DHX30: variants seen among roughly 807,000 people sequenced by gnomAD.
DHX30 encodes ATP-dependent RNA helicase DHX30.
In DHX30, 4 loss-of-function variants were observed where a neutral mutation model predicts 116.9. That is an observed-to-expected ratio of 0.03 (90% CI 0.02 to 0.08). DHX30 has a LOEUF of 0.08. DHX30 is among the 10% of genes least tolerant of loss of function. The pLI is 1.00. For missense variants in DHX30, 871 were observed against 1,595.1 expected (o/e 0.55, Z 7.73); for synonymous variants, 697 against 651.7 (o/e 1.07, Z -1.06).
chr3:47,848,995 G>T lies in DHX30; in HGVS notation c.2845G>T (p.Val949Leu), dbSNP rs2037799667. Residue 949 changes from valine (V) to leucine (L), a missense_variant, in exon 18 of 22, where the codon GTG (valine) becomes TTG (leucine). By Grantham distance (32) the Val-to-Leu change is conservative (BLOSUM62 1). Transcript: ENST00000445061. The surrounding 1 kb of genome is among the most constrained non-coding windows in gnomAD (Gnocchi z 9.4). The part of the protein sequence containing the change: ...FVRAVAGWEE[V>L]LRWQDRSSRE... ...GCGGGCTGTCGCCGGCTGGGAGGAG[G>T]TGCTGCGTTGGCAGGACCGCAGCTC... 6.2e-7 allele frequency: 1 copy of T among 1,613,642 alleles called. No individual in the cohort carries two copies. Among genetic ancestry groups the T allele is most frequent in the Admixed American group, 1.7e-5 (1 of 59,966 alleles).
chr3:47,840,970 T>C lies in DHX30; in HGVS notation c.460T>C (p.Trp154Arg). ...DRFGSPADSW[W>R]RPEPTMPPTS... is the part of the protein sequence containing the mutation. ...CTTTGGCTCCCCTGCCGACAGCTGGTGGCGTCCGGAACCCACCATGCCCCC... is the reference window on the plus strand; with the variant it reads ...CTTTGGCTCCCCTGCCGACAGCTGGCGGCGTCCGGAACCCACCATGCCCCC... The change falls in exon 7 of 22, where the codon TGG becomes CGG. Residue 154 changes from tryptophan to arginine, a missense_variant. By Grantham distance (101) the Trp-to-Arg change is moderately radical. Around this residue, in one of 13 missense-constraint regions of DHX30, gnomAD observed 109 missense variants for 118.8 expected, o/e 0.92. Coordinates refer to ENST00000445061, the MANE Select transcript of DHX30 (RefSeq NM_138615.3). The C allele has an allele frequency of 6.2e-7, 1 of 1,614,176 alleles. No individual in the cohort carries two copies. The highest frequency in any genetic ancestry group is 8.5e-7 in the Non-Finnish European group (1 of 1,180,040).
chr3:47,816,191 A>T (rs2036043108), intron 3 of DHX30: 1 of 978,888 alleles, frequency 1.0e-6, no homozygotes, highest in Non-Finnish European at 1.2e-6. Flanking sequence ...CATCTATAAT[A>T]TTATAAGAGA....
intron 6 of DHX30, among the ~76,000 whole-genome samples, chr3:47,836,037 C>A (rs1384202259): frequency 6.6e-6 from 1 of 152,224 alleles, no homozygotes; most frequent in African/African-American, 2.4e-5. Context: ...TTACCCTGCT[C>A]AAAATAGCAA....
intron 4 of DHX30, chr3:47,824,986 G>T: frequency 1.9e-6 from 1 of 537,964 alleles, no homozygotes; most frequent in Non-Finnish European, 3.2e-6. Context: ...GGCCGCTCCC[G>T]TTCTCTTCGC....
chr3:47,812,087 T>C (rs1248001923), intron 3 of DHX30, among the ~76,000 whole-genome samples: 2 of 96,132 alleles, frequency 2.1e-5, no homozygotes, highest in African/African-American at 4.0e-5. Flanking sequence ...AAAAAGGCCA[T>C]GTGTGGTGGT....
At chr3:47,837,572 C>T (rs2037178461) in intron 6 of DHX30, among the ~76,000 whole-genome samples, 1 of 152,160 alleles carries the variant, frequency 6.6e-6, no homozygotes, top group South Asian at 2.1e-4. Context: ...AGCAGCCTGG[C>T]CGACATGGTG....
At chr3:47,844,226 A>G (rs1409415328) in intron 9 of DHX30, among the ~76,000 whole-genome samples, 3 of 152,212 alleles carry the variant, frequency 2.0e-5, no homozygotes, top group African/African-American at 7.2e-5. Context: ...GTTACAGCTG[A>G]TGGTGAGAGG....
chr3:47,840,913 G>A lies in DHX30; in HGVS notation c.403G>A (p.Asp135Asn). The change falls in exon 7 of 22, where the codon GAC becomes AAC. Residue 135 changes from aspartate to asparagine, a missense_variant. Transcript: ENST00000445061. ...GCTAGGTCCCCGGAATGAGTTGTTT[G>A]ACGCAGCCAAATACCGAGTGCTAGC... Reference protein sequence around the residue: ...GLLGPRNELFDAAKYRVLADR... With the variant: ...GLLGPRNELFNAAKYRVLADR... 1 of 1,614,202 alleles carries A rather than the reference G, an allele frequency of 6.2e-7. No homozygotes were observed.
At chr3:47,837,710 G>A (rs1407190932) in intron 6 of DHX30, among the ~76,000 whole-genome samples, 1 of 152,206 alleles carries the variant, frequency 6.6e-6, no homozygotes, top group African/African-American at 2.4e-5. Context: ...GCAGTGAGCC[G>A]AGATGATGCC....
At chr3:47,832,710 C>T (rs1018693749) in intron 6 of DHX30, among the ~76,000 whole-genome samples, 5 of 151,374 alleles carry the variant, frequency 3.3e-5, no homozygotes, top group African/African-American at 1.2e-4. Context: ...AGTCTCAGCT[C>T]ACTGCAACCT....
At chr3:47,828,882 C>T in intron 5 of DHX30, 142 bp from the exon 6 acceptor site, 1 of 638,838 alleles carries the variant, frequency 1.6e-6, no homozygotes, top group Non-Finnish European at 2.9e-6. Context: ...GGGTTCTGTC[C>T]TCTGTTCTCA....
At chr3:47,845,001 G>A (rs576685418) in intron 9 of DHX30, among the ~76,000 whole-genome samples, 17 of 152,224 alleles carry the variant, frequency 1.1e-4, no homozygotes, top group Middle Eastern at 3.4e-3. Flanking sequence ...TGTGGGGTGC[G>A]TTCTAGCATC....
In DHX30 at chr3:47,846,392, G is replaced by A. The variant is rs1008306572; in HGVS notation, c.1320G>A (p.Arg440=). ...EAPQLPVDPH[R]DTILNAIEQH... ...CCCAGCTACCTGTGGACCCACATCGGGACACCATCCTCAACGCCATTGAGC... is the reference window on the plus strand; with the variant it reads ...CCCAGCTACCTGTGGACCCACATCGAGACACCATCCTCAACGCCATTGAGC... The change falls in exon 11 of 22, where the codon CGG becomes CGA. Residue 440 remains arginine, a synonymous_variant. Coordinates refer to ENST00000445061, the MANE Select transcript of DHX30 (RefSeq NM_138615.3). The A allele has an allele frequency of 2.6e-5, 42 of 1,613,962 alleles. No homozygotes were observed. Among genetic ancestry groups the A allele is most frequent in the Non-Finnish European group, 3.6e-5 (42 of 1,180,050 alleles).
chr3:47,836,384 T>TGCCTCC (rs2037117982), intron 6 of DHX30, among the ~76,000 whole-genome samples: 1 of 152,088 alleles, frequency 6.6e-6, no homozygotes, highest in Admixed American at 6.6e-5. Context: ...CGCCTGCCTC[T>TGCCTCC]GCCTCCGCCT....
intron 3 of DHX30, chr3:47,816,522 C>T: frequency 1.1e-6 from 1 of 928,530 alleles, no homozygotes; most frequent in African/African-American, 1.8e-5. Flanking sequence ...CATGCCCTGC[C>T]AATTTTTGTA....
At chr3:47,842,218 A>C (rs879915563) in intron 8 of DHX30, 1 of 157,060 alleles carries the variant, frequency 6.4e-6, no homozygotes, top group East Asian at 1.9e-4. Context: ...CTTAATTTAC[A>C]AGACACTAAG....
In DHX30 at chr3:47,816,035, C is replaced by T. The variant is rs954524986; in HGVS notation, c.29-1987C>T. ...TTGAGCTGGTCATTTCCAACCTTAGCTTCAAGGCAGAACTGGAATTAGTTT... is the reference window on the plus strand; with the variant it reads ...TTGAGCTGGTCATTTCCAACCTTAGTTTCAAGGCAGAACTGGAATTAGTTT... On this transcript the variant is annotated intron_variant, in intron 3 of 21. Coordinates refer to ENST00000445061, the MANE Select transcript of DHX30 (RefSeq NM_138615.3). 5.1e-6 allele frequency: 5 copies of T among 984,662 alleles called. No individual in the cohort carries two copies. The African/African-American group carries it at 8.8e-5, about 17-fold the overall frequency. The allele number at this position is 984,662 out of a possible 1,614,324, so 61.0% of individuals were successfully genotyped here. A position where few individuals can be genotyped will look rare whatever the true frequency, so the allele number is the denominator to read the frequency against.
intron 6 of DHX30, among the ~76,000 whole-genome samples, chr3:47,836,806 C>T (rs558278183): frequency 6.6e-6 from 1 of 152,144 alleles, no homozygotes; most frequent in African/African-American, 2.4e-5. Flanking sequence ...CCACCGTGCC[C>T]AGCCTAGTTG....
chr3:47,810,793 A>G, intron 3 of DHX30, 82 bp downstream of exon 3: 1 of 1,383,446 alleles, frequency 7.2e-7, no homozygotes, highest in South Asian at 1.2e-5. Context: ...GTCTCTCCCC[A>G]GTATGTAGTT....
Sources: allele counts gnomAD v4.1 joint callset (sites outside exome capture counted in the v4.1 genomes callset), GRCh38; gene constraint gnomAD v4.1.1; regional missense constraint gnomAD v4.1.1; non-coding constraint Gnocchi (gnomAD v3.1); transcripts MANE v1.5; gene names NCBI Gene and HGNC (gene_info 2026-07-23, HGNC 2026-07-21).